Variants in RANBP17 observed in about 807,000 individuals in gnomAD.
RANBP17 encodes the protein ran-binding protein 17.
In RANBP17, 158 loss-of-function variants were observed where a neutral mutation model predicts 141.2. The ratio of observed to expected loss-of-function variants is 1.12; its 90% confidence interval spans 0.98 to 1.28. RANBP17 has a LOEUF of 1.28. Among genes scored for constraint, RANBP17 ranks in the 50% most tolerant of loss-of-function variants. The probability of loss-of-function intolerance (pLI) is 0.00; values close to 1 mark genes in which losing one functional copy is unlikely to be tolerated. For synonymous variants in RANBP17, 430 were observed against 450.0 expected (o/e 0.96, Z 0.56); for missense variants, 1,438 against 1,290.7 (o/e 1.11, Z -1.75).
At chr5:171,027,467 G>T (rs1289352795) in intron 14 of RANBP17, among the ~76,000 whole-genome samples, 1 of 152,014 alleles carries the variant, frequency 6.6e-6, no homozygotes, top group Non-Finnish European at 1.5e-5. Flanking sequence ...TGTGAGATTT[G>T]CATATAGTAT....
At chr5:171,056,278 A>T (rs1358982671) in intron 14 of RANBP17, among the ~76,000 whole-genome samples, 1 of 152,176 alleles carries the variant, frequency 6.6e-6, no homozygotes, top group Non-Finnish European at 1.5e-5. Context: ...CAAAGTTACC[A>T]GAAACCTGCA....
At chr5:171,294,876 AT>A (rs1310411007) in intron 26 of RANBP17, among the ~76,000 whole-genome samples, 1 of 152,192 alleles carries the variant, frequency 6.6e-6, no homozygotes, top group Non-Finnish European at 1.5e-5. Context: ...TACTTTACTG[AT>A]GGAGGCAATA....
At chr5:171,243,945 G>A (rs114995776) in intron 24 of RANBP17, among the ~76,000 whole-genome samples, 1 of 151,890 alleles carries the variant, frequency 6.6e-6, no homozygotes, top group Non-Finnish European at 1.5e-5. Flanking sequence ...AGGCATGATG[G>A]TGGGCGCATA....
chr5:170,965,276 T>A (rs1195216624), intron 13 of RANBP17, among the ~76,000 whole-genome samples: 2 of 151,598 alleles, frequency 1.3e-5, no homozygotes, highest in Non-Finnish European at 2.9e-5. Flanking sequence ...TTGTTTGAGT[T>A]CATTGTAGAT....
intron 14 of RANBP17, among the ~76,000 whole-genome samples, chr5:171,032,681 C>T (rs1404939586): frequency 6.6e-6 from 1 of 151,972 alleles, no homozygotes; most frequent in African/African-American, 2.4e-5. Flanking sequence ...GTGAGATTCC[C>T]GTCATCACTG....
At chr5:171,031,127 G>C (rs1781523924) in intron 14 of RANBP17, among the ~76,000 whole-genome samples, 1 of 151,710 alleles carries the variant, frequency 6.6e-6, no homozygotes, top group African/African-American at 2.4e-5. Context: ...TAAAACATTA[G>C]AGCAGGATGA....
Position 170,942,549 on chromosome 5 carries a change from G to T in RANBP17, c.1469-11048G>T, listed in dbSNP as rs193296915. ...AAACAAATGAGACTTGAAGTGTCTT[G>T]TTTAGGAATATATGTATATGTGAGG... is the stretch of plus-strand genomic sequence containing the variant. On this transcript the variant is annotated intron_variant, in intron 12 of 27. Transcript: ENST00000523189. Among the ~76,000 whole-genome samples the T allele has an allele frequency of 9.9e-5, 15 of 152,206 alleles. 1 individual carries two copies. The highest frequency in any genetic ancestry group is 2.0e-4 in the Admixed American group (3 of 15,282).
intron 7 of RANBP17, among the ~76,000 whole-genome samples, chr5:170,911,962 G>T (rs889428161): frequency 6.6e-6 from 1 of 151,866 alleles, no homozygotes; most frequent in African/African-American, 2.4e-5. Context: ...TCTACCACCT[G>T]TGCAGCTAGG....
At chr5:170,887,293 A>G (rs1040011526) in intron 3 of RANBP17, among the ~76,000 whole-genome samples, 13 of 152,134 alleles carry the variant, frequency 8.5e-5, no homozygotes, top group African/African-American at 2.7e-4. Context: ...CATTTTCATG[A>G]CAAAGTTTAC....
chr5:170,866,520 A>T (rs1767273689), intron 1 of RANBP17, among the ~76,000 whole-genome samples: 1 of 152,068 alleles, frequency 6.6e-6, no homozygotes, highest in African/African-American at 2.4e-5. Context: ...CTAAAAATAC[A>T]CAAAATTAGC....
chr5:171,269,594 G>A (rs781712477), intron 25 of RANBP17, among the ~76,000 whole-genome samples: 2 of 152,180 alleles, frequency 1.3e-5, no homozygotes, highest in Non-Finnish European at 2.9e-5. Flanking sequence ...AATCAGCCCT[G>A]AAGAGGAGCA....
intron 14 of RANBP17, among the ~76,000 whole-genome samples, chr5:171,142,567 A>G (rs1007818749): frequency 9.2e-5 from 14 of 152,222 alleles, no homozygotes; most frequent in East Asian, 3.8e-4. Context: ...GATATATTCA[A>G]GCATGGTCTT....
chr5:171,045,178 C>T (rs560039471), intron 14 of RANBP17, among the ~76,000 whole-genome samples: 1 of 151,918 alleles, frequency 6.6e-6, no homozygotes, highest in East Asian at 1.9e-4. Flanking sequence ...ATATTGTTCT[C>T]TTCTCTTATG....
intron 18 of RANBP17, among the ~76,000 whole-genome samples, chr5:171,184,616 G>A (rs972448718): frequency 6.6e-6 from 1 of 152,012 alleles, no homozygotes; most frequent in Non-Finnish European, 1.5e-5. Flanking sequence ...GATGTTAAGG[G>A]TTCTCACCAC....
chr5:171,230,636 C>T (rs1764153554), intron 22 of RANBP17, among the ~76,000 whole-genome samples: 1 of 152,082 alleles, frequency 6.6e-6, no homozygotes, highest in Non-Finnish European at 1.5e-5. Context: ...GTGGCGGGCA[C>T]CTGTAATCCC....
intron 3 of RANBP17, among the ~76,000 whole-genome samples, chr5:170,891,435 T>C (rs1279759389): frequency 1.3e-5 from 2 of 152,166 alleles, no homozygotes; most frequent in Non-Finnish European, 2.9e-5. Context: ...TGATGATACA[T>C]AGTAGATGTT....
intron 12 of RANBP17, among the ~76,000 whole-genome samples, chr5:170,930,099 A>C (rs1773228861): frequency 6.6e-6 from 1 of 151,956 alleles, no homozygotes; most frequent in Admixed American, 6.6e-5. Flanking sequence ...TGATCTTTTT[A>C]GAGAACTATT....
chr5:171,008,154 G>C (rs565435288), intron 14 of RANBP17, among the ~76,000 whole-genome samples: 27 of 152,352 alleles, frequency 1.8e-4, no homozygotes, highest in African/African-American at 6.5e-4. Flanking sequence ...GGAGTTTTGG[G>C]TACACAGATA....
intron 14 of RANBP17, among the ~76,000 whole-genome samples, chr5:171,044,019 G>A (rs771331226): frequency 6.6e-6 from 1 of 152,088 alleles, no homozygotes; most frequent in Admixed American, 6.6e-5. Flanking sequence ...AAAAGTGCCT[G>A]TTTGACATTT....
Sources: gnomAD v4.1 joint callset for allele counts (sites outside exome capture counted in the v4.1 genomes callset) on GRCh38, gnomAD v4.1.1 for gene constraint, MANE v1.5 for transcripts, NCBI Gene and HGNC (gene_info 2026-07-23, HGNC 2026-07-21) for gene names.